Variants in OPCML observed in about 807,000 individuals in gnomAD.
The protein encoded by OPCML is opioid-binding protein/cell adhesion molecule.
Under a neutral mutation model 37.8 loss-of-function variants are expected in OPCML, and 13 were observed. The ratio of observed to expected loss-of-function variants is 0.34; its 90% CI spans 0.22 to 0.55. OPCML has a LOEUF of 0.55. Ranked by LOEUF, OPCML falls within the 20% of genes least tolerant of loss-of-function variation. The probability of loss-of-function intolerance (pLI) is 0.91; values close to 1 mark genes in which losing one functional copy is unlikely to be tolerated. For missense variants in OPCML, 341 were observed against 435.6 expected (o/e 0.78, Z 1.93); for synonymous variants, 176 against 168.8 (o/e 1.04, Z -0.33).
intron 1 of OPCML, chr11:133,421,155 G>A: frequency 1.0e-6 from 1 of 985,424 alleles, no homozygotes; most frequent in Non-Finnish European, 1.2e-6. Flanking sequence ...GTTGAATAAT[G>A]AAATTTTAGT....
At chr11:132,424,415 G>A (rs992390991) in intron 7 of OPCML, among the ~76,000 whole-genome samples, 6 of 152,206 alleles carry the variant, frequency 3.9e-5, no homozygotes, top group South Asian at 4.2e-4. Flanking sequence ...CACCATGCCC[G>A]GCTGAGAGGC....
chr11:133,299,836 G>C (rs1425673596), intron 1 of OPCML: 1 of 152,096 alleles, frequency 6.6e-6, no homozygotes, highest in East Asian at 1.9e-4. Flanking sequence ...GAGGAAAGAA[G>C]GGATCCCTAC....
At chr11:132,456,295 G>A (rs185930884) in intron 4 of OPCML, among the ~76,000 whole-genome samples, 1 of 152,216 alleles carries the variant, frequency 6.6e-6, no homozygotes, top group East Asian at 1.9e-4. Flanking sequence ...GAACAAGTCA[G>A]AACAAAAGAA....
chr11:133,188,767 A>G (rs975840046), intron 1 of OPCML, among the ~76,000 whole-genome samples: 1 of 152,148 alleles, frequency 6.6e-6, no homozygotes, highest in Non-Finnish European at 1.5e-5. Flanking sequence ...GAAGATCTAT[A>G]AATTATCCTT....
rs532964101 is a variant in OPCML at position 133,007,234 on chromosome 11, G to A, written c.62-64224C>T. On this transcript the variant is annotated intron_variant, in intron 1 of 7. Transcript: ENST00000524381. ...TTTAGGCTTTGTTGCCCCACCCTCCGTTTATTTTAGCAATTTGTGGTTATA... is the reference window on the plus strand; with the variant it reads ...TTTAGGCTTTGTTGCCCCACCCTCCATTTATTTTAGCAATTTGTGGTTATA... 1.7e-4 allele frequency: 164 copies of A among 985,276 alleles called. No individual in the cohort carries two copies. The South Asian group carries it at 3.2e-3, about 19-fold the overall frequency. 61.0% of individuals were successfully genotyped at this position (985,276 alleles called of 1,614,324 possible). A position where few individuals can be genotyped will look rare whatever the true frequency, so the allele number is the denominator to read the frequency against.
intron 1 of OPCML, among the ~76,000 whole-genome samples, chr11:133,474,053 C>A (rs1342379833): frequency 6.6e-6 from 1 of 152,144 alleles, no homozygotes; most frequent in African/African-American, 2.4e-5. Context: ...ACATAGAAGA[C>A]CCCATCATCT....
At chr11:132,435,941 C>G (rs2096011516) in intron 7 of OPCML, 145 bp downstream of exon 7, 1 of 704,936 alleles carries the variant, frequency 1.4e-6, no homozygotes, top group African/African-American at 1.8e-5. Flanking sequence ...AGGGGAATGG[C>G]AGGGAGAAGT....
chr11:132,814,655 C>T (rs1939530602), intron 2 of OPCML, among the ~76,000 whole-genome samples: 1 of 152,208 alleles, frequency 6.6e-6, no homozygotes, highest in African/African-American at 2.4e-5. Flanking sequence ...GACACTTTCA[C>T]AGACCCACTC....
At chr11:132,993,718 T>G (rs1466738960) in intron 1 of OPCML, among the ~76,000 whole-genome samples, 1 of 152,104 alleles carries the variant, frequency 6.6e-6, no homozygotes, top group African/African-American at 2.4e-5. Flanking sequence ...ACCCTTACCT[T>G]TGTCTCTAAA....
intron 4 of OPCML, among the ~76,000 whole-genome samples, chr11:132,504,749 C>A (rs936854304): frequency 6.6e-6 from 1 of 151,924 alleles, no homozygotes; most frequent in Admixed American, 6.6e-5. Flanking sequence ...GTAAGCGTGG[C>A]CTTTATGACT....
chr11:132,534,515 G>A (rs1056476287), intron 3 of OPCML, among the ~76,000 whole-genome samples: 5 of 152,150 alleles, frequency 3.3e-5, no homozygotes, highest in Non-Finnish European at 5.9e-5. Context: ...AGCTGGAAAA[G>A]GCTTTCCCAA....
At chr11:133,238,651 A>G (rs1468656534) in intron 1 of OPCML, among the ~76,000 whole-genome samples, 3 of 152,034 alleles carry the variant, frequency 2.0e-5, no homozygotes, top group African/African-American at 7.2e-5. Context: ...CTCCCGCCCT[A>G]AGAAGCCTGA....
At chr11:133,389,489 T>C (rs1448988933) in intron 1 of OPCML, among the ~76,000 whole-genome samples, 5 of 152,214 alleles carry the variant, frequency 3.3e-5, no homozygotes, top group Admixed American at 6.5e-5. Context: ...TAAAAACCTA[T>C]CGTGTGAGAT....
rs372762259 is a variant in OPCML at position 133,198,755 on chromosome 11, C to G, written c.62-255745G>C. On this transcript the variant is annotated intron_variant, in intron 1 of 7. Transcript: ENST00000524381. ...CTACTGGGAGCAACAGGAGCTGTGT[C>G]AGGTAGCAGACATGCTTAGGCCCTT... 3.5e-4 allele frequency among the ~76,000 whole-genome samples: 53 copies of G among 152,276 alleles called. No individual in the cohort carries two copies. In the East Asian group the frequency reaches 4.8e-3, roughly 14 times the overall value.
At chr11:132,433,203 G>A (rs919227206) in intron 7 of OPCML, among the ~76,000 whole-genome samples, 1 of 152,218 alleles carries the variant, frequency 6.6e-6, no homozygotes, top group East Asian at 1.9e-4. Context: ...AGAGGCGATA[G>A]CATGGGCCAT....
chr11:133,475,356 A>G (rs1387841010), intron 1 of OPCML, among the ~76,000 whole-genome samples: 2 of 151,398 alleles, frequency 1.3e-5, no homozygotes, highest in African/African-American at 4.8e-5. Context: ...AGAAACAATC[A>G]CTCATTTCTC....
Position 132,943,118 on chromosome 11 carries a change from C to G in OPCML, c.62-108G>C, listed in dbSNP as rs764942600. 1 of 1,613,896 alleles carries G rather than the reference C, an allele frequency of 6.2e-7. No individual in the cohort carries two copies. The highest frequency in any genetic ancestry group is 1.7e-4 in the Middle Eastern group (1 of 6,060). Reference sequence around the variant, plus strand: ...TCTCGACAGCCACAACTTCCCAGGACTCCGGCAGCCGCACAGTCCTGGTCC... The same window carrying G: ...TCTCGACAGCCACAACTTCCCAGGAGTCCGGCAGCCGCACAGTCCTGGTCC... On this transcript the variant is annotated intron_variant, in intron 1 of 7. Transcript: ENST00000524381. The surrounding 1 kb of genome is among the most constrained non-coding windows in gnomAD (Gnocchi z 4.3).
intron 1 of OPCML, among the ~76,000 whole-genome samples, chr11:133,061,974 G>T (rs1420796100): frequency 2.0e-5 from 3 of 152,162 alleles, no homozygotes; most frequent in Non-Finnish European, 4.4e-5. Context: ...GGGGCATAGG[G>T]TCTTGTTTAG....
intron 4 of OPCML, among the ~76,000 whole-genome samples, chr11:132,465,365 T>C (rs1053961772): frequency 2.0e-5 from 3 of 152,166 alleles, no homozygotes; most frequent in Non-Finnish European, 4.4e-5. Context: ...CAAAGCCACA[T>C]GTTATTTATC....
Sources: gnomAD v4.1 joint callset for allele counts (sites outside exome capture counted in the v4.1 genomes callset) on GRCh38, gnomAD v4.1.1 for gene constraint, Gnocchi (gnomAD v3.1) non-coding constraint, MANE v1.5 for transcripts, NCBI Gene and HGNC (gene_info 2026-07-23, HGNC 2026-07-21) for gene names.